Variants in IL17RB observed in about 807,000 individuals in gnomAD.
IL17RB encodes the protein interleukin-17 receptor B.
IL17RB carries 36 observed loss-of-function variants against 43.9 expected under a neutral mutation model. That is an observed-to-expected ratio of 0.82 (90% CI 0.63 to 1.08). IL17RB has a LOEUF of 1.08. IL17RB is among the 50% of genes least tolerant of loss of function. The pLI is 0.00. For synonymous variants in IL17RB, 225 were observed against 225.4 expected (o/e 1.00, Z 0.02); for missense variants, 613 against 613.6 (o/e 1.00, Z 0.01).
At chr3:53,854,970 AG>A (rs1279377683) in intron 5 of IL17RB, among the ~76,000 whole-genome samples, 1 of 152,084 alleles carries the variant, frequency 6.6e-6, no homozygotes. Context: ...ACAAAAAATT[AG>A]CCGGGCGTGG....
At chr3:53,849,567 A>T (rs1408412224) in intron 2 of IL17RB, 88 bp from the exon 3 acceptor site, 11 of 1,144,444 alleles carry the variant, frequency 9.6e-6, no homozygotes, top group Non-Finnish European at 1.1e-5. Context: ...GAATGGGGGA[A>T]GGTTTGGTGT....
intron 8 of IL17RB, chr3:53,858,282 C>T: frequency 3.4e-6 from 3 of 893,948 alleles, no homozygotes; most frequent in Non-Finnish European, 3.9e-6. Flanking sequence ...CCAGAGGGGG[C>T]AGGCACCAGC....
intron 3 of IL17RB, among the ~76,000 whole-genome samples, chr3:53,850,605 A>G (rs1201186525): frequency 1.3e-5 from 2 of 151,712 alleles, no homozygotes; most frequent in Admixed American, 6.6e-5. Context: ...GGAGTTCAAG[A>G]CCAGCCTGGC....
At chr3:53,850,412 G>T (rs868626594) in intron 3 of IL17RB, among the ~76,000 whole-genome samples, 1 of 148,506 alleles carries the variant, frequency 6.7e-6, no homozygotes, top group Admixed American at 6.7e-5. Flanking sequence ...CACGAGAATC[G>T]CTTGAACCCA....
intron 5 of IL17RB, 100 bp downstream of exon 5, chr3:53,853,097 C>A: frequency 7.1e-7 from 1 of 1,406,172 alleles, no homozygotes; most frequent in African/African-American, 1.4e-5. Context: ...AGGCTTTTGG[C>A]CTTGCTAAAT....
At chr3:53,857,562 G>A in intron 7 of IL17RB, 54 bp from the exon 8 acceptor site, 1 of 1,520,148 alleles carries the variant, frequency 6.6e-7, no homozygotes, top group Non-Finnish European at 9.1e-7. Context: ...TGGGATTACA[G>A]GGGTGAGCCA....
At chr3:53,864,528 A>C (rs2884631) in intron 10 of IL17RB, among the ~76,000 whole-genome samples, 1 of 151,528 alleles carries the variant, frequency 6.6e-6, no homozygotes, top group African/African-American at 2.4e-5. Flanking sequence ...GAGTGAGACT[A>C]TGTCTCCAAA....
At chr3:53,855,224 G>T (rs1178366131) in intron 5 of IL17RB, 70 bp from the exon 6 acceptor site, 6 of 974,022 alleles carry the variant, frequency 6.2e-6, no homozygotes, top group Non-Finnish European at 9.8e-6. Context: ...ATGTGTGTGT[G>T]CACTTGGCAA....
rs756335321 is a variant in IL17RB, at chr3:53,864,993, T to A, written c.1194T>A (p.Asn398Lys). 2 of 1,614,156 alleles carry A rather than the reference T, an allele frequency of 1.2e-6. No homozygotes were observed. The highest frequency in any genetic ancestry group is 2.2e-5 in the South Asian group (2 of 91,078). ...ACAAAGTCGTCTTCCTTCTTTCCAA[T>A]GACGTCAACAGTGTGTGCGATGGTA... is the stretch of plus-strand genomic sequence containing the variant. ...AADKVVFLLS[N>K]DVNSVCDGTC... Residue 398 changes from asparagine to lysine, a missense_variant, in exon 11 of 11, where the codon AAT becomes AAA. Asn to Lys is a moderately conservative substitution (Grantham distance 94). Transcript: ENST00000288167.
intron 9 of IL17RB, 74 bp from the exon 10 acceptor site, chr3:53,860,056 C>A: frequency 1.0e-6 from 1 of 997,436 alleles, no homozygotes; most frequent in Non-Finnish European, 1.6e-6. Flanking sequence ...TAAAGTATAC[C>A]AAGTCTTAGT....
intron 3 of IL17RB, 102 bp from the exon 4 acceptor site, chr3:53,851,897 G>A (rs1298886389): frequency 7.4e-7 from 1 of 1,345,292 alleles, no homozygotes; most frequent in East Asian, 2.4e-5. Flanking sequence ...TTGTGAATAT[G>A]AACCGAGACA....
chr3:53,846,693 G>T (rs1261045831), intron 1 of IL17RB, 45 bp downstream of exon 1: 4 of 1,539,056 alleles, frequency 2.6e-6, no homozygotes, highest in Non-Finnish European at 3.5e-6. Context: ...CGGCCCTCGA[G>T]CCCAGATCCT....
Position 53,856,999 on chromosome 3 carries a change from T to G in IL17RB, c.672+13T>G, listed in dbSNP as rs200940915. On this transcript the variant is annotated intron_variant, in intron 7 of 10. Transcript: ENST00000288167. ...TCAGGTGTTTGAGGTACTTTTTCTC[T>G]TCGTCCCCTTCACCTCGTCCTCCAG... The G allele has an allele frequency of 2.1e-4, 336 of 1,613,284 alleles. 3 individuals are homozygous for G. In the South Asian group the frequency reaches 3.6e-3, roughly 17 times the overall value.
At chr3:53,849,305 G>A (rs1699046812) in intron 2 of IL17RB, among the ~76,000 whole-genome samples, 1 of 152,236 alleles carries the variant, frequency 6.6e-6, no homozygotes, top group African/African-American at 2.4e-5. Flanking sequence ...AGGAGGTTGA[G>A]AGTACTTCTG....
intron 9 of IL17RB, chr3:53,859,070 C>A: frequency 2.5e-6 from 1 of 395,548 alleles, no homozygotes; most frequent in Non-Finnish European, 4.6e-6. Context: ...GAAAAAAATA[C>A]ACAGTGCAAA....
chr3:53,857,062 T>C (rs543443600), intron 7 of IL17RB, 76 bp downstream of exon 7: 44 of 1,480,346 alleles, frequency 3.0e-5, no homozygotes, highest in Non-Finnish European at 2.7e-5. Context: ...GGGACAGTGT[T>C]GTCCAAACGT....
In IL17RB at chr3:53,865,158, A is replaced by C; in HGVS notation, c.1359A>C (p.Thr453=). 1 of 1,614,204 alleles carries C rather than the reference A, an allele frequency of 6.2e-7. No individual in the cohort carries two copies. The highest frequency in any genetic ancestry group is 8.5e-7 in the Non-Finnish European group (1 of 1,180,034). Residue 453 remains threonine, a synonymous_variant, in exon 11 of 11, where the codon ACA becomes ACC. Coordinates refer to ENST00000288167, the MANE Select transcript of IL17RB (RefSeq NM_018725.4). ...TGGTCTACTTTAGAGAGATTGATAC[A>C]AAAGACGATTACAATGCTCTCAGTG... is the stretch of plus-strand genomic sequence containing the variant. The part of the protein sequence containing the change: ...YVVVYFREID[T]KDDYNALSVC...
chr3:53,864,218 C>T (rs897840535), intron 10 of IL17RB, among the ~76,000 whole-genome samples: 2 of 152,192 alleles, frequency 1.3e-5, no homozygotes, highest in Non-Finnish European at 1.5e-5. Context: ...TTAGAAAATA[C>T]TGCTTTTAAA....
At chr3:53,857,535 T>A in intron 7 of IL17RB, 81 bp from the exon 8 acceptor site, 1 of 1,270,516 alleles carries the variant, frequency 7.9e-7, no homozygotes, top group Non-Finnish European at 1.2e-6. Context: ...TCTGCCTGCC[T>A]TGGCCTCCCA....
Sources: allele counts gnomAD v4.1 joint callset (sites outside exome capture counted in the v4.1 genomes callset), GRCh38; gene constraint gnomAD v4.1.1; transcripts MANE v1.5; gene names NCBI Gene and HGNC (gene_info 2026-07-23, HGNC 2026-07-21).